Variants in ABCC8 observed in about 807,000 individuals in gnomAD.
ABCC8 encodes ATP-binding cassette sub-family C member 8.
A neutral mutation model predicts 188.0 loss-of-function variants in ABCC8; 137 were observed. The ratio of observed to expected loss-of-function variants is 0.73; its 90% CI spans 0.63 to 0.84. ABCC8 has a LOEUF of 0.84. Among genes scored for constraint, ABCC8 ranks in the 40% least tolerant of loss-of-function variants. The pLI is 0.00. For missense variants in ABCC8, 1,750 were observed against 2,072.7 expected, an observed-to-expected ratio of 0.84 and a Z score of 3.02; for synonymous variants, 797 against 846.5, an observed-to-expected ratio of 0.94 and a Z score of 1.01.
intron 35 of ABCC8, 85 bp downstream of exon 35, chr11:17,395,525 C>T (rs1363551130): frequency 3.3e-6 from 5 of 1,519,188 alleles, no homozygotes; most frequent in African/African-American, 1.4e-5. Context: ...CCTGGTCTCC[C>T]CCAACCCCCT....
chr11:17,443,358 C>T (rs1956399705), intron 8 of ABCC8, 46 bp from the exon 9 acceptor site: 2 of 1,613,160 alleles, frequency 1.2e-6, no homozygotes, highest in African/African-American at 2.7e-5. Flanking sequence ...TGATGGTTGC[C>T]CTGCCAGGAG....
At chr11:17,393,208 T>C in intron 38 of ABCC8, 80 bp from the exon 39 acceptor site, 1 of 1,584,718 alleles carries the variant, frequency 6.3e-7, no homozygotes, top group East Asian at 2.3e-5. Flanking sequence ...GTGGCCCTCC[T>C]GCGGCTTGGA....
chr11:17,393,545 C>A (rs1011119608), intron 38 of ABCC8, 152 bp downstream of exon 38: 7 of 1,276,174 alleles, frequency 5.5e-6, no homozygotes, highest in Non-Finnish European at 7.9e-6. Flanking sequence ...TCCCTGCATG[C>A]CCTCCAGGCC....
chr11:17,459,600 C>T (rs984468736), intron 6 of ABCC8, among the ~76,000 whole-genome samples: 2 of 152,196 alleles, frequency 1.3e-5, no homozygotes, highest in Admixed American at 6.5e-5. Flanking sequence ...CCATTCTCTG[C>T]ATTATTTTCA....
chr11:17,450,990 C>G (rs1956795754), intron 7 of ABCC8, among the ~76,000 whole-genome samples: 1 of 152,072 alleles, frequency 6.6e-6, no homozygotes, highest in African/African-American at 2.4e-5. Flanking sequence ...CTCCACCCCC[C>G]TAATTTGTTT....
intron 1 of ABCC8, among the ~76,000 whole-genome samples, chr11:17,475,531 C>T (rs944198723): frequency 1.3e-5 from 2 of 152,116 alleles, no homozygotes; most frequent in African/African-American, 2.4e-5. Flanking sequence ...GCCAAGGTAC[C>T]CCATTATACA....
At chr11:17,405,947 GT>G (rs1338390406) in intron 26 of ABCC8, among the ~76,000 whole-genome samples, 3 of 152,234 alleles carry the variant, frequency 2.0e-5, no homozygotes, top group Admixed American at 1.3e-4. Context: ...CAACCAGGGA[GT>G]TTCAGAACTA....
At chr11:17,395,961 G>A (rs1953905038) in intron 33 of ABCC8, 31 bp from the exon 34 acceptor site, 1 of 1,555,622 alleles carries the variant, frequency 6.4e-7, no homozygotes, top group South Asian at 1.2e-5. Context: ...ACCGCCACTG[G>A]GACTCTGGGG....
intron 32 of ABCC8, 72 bp from the exon 33 acceptor site, chr11:17,397,118 A>G: frequency 1.2e-6 from 2 of 1,613,594 alleles, no homozygotes; most frequent in Non-Finnish European, 1.7e-6. Flanking sequence ...CCCCATCCCC[A>G]GGCTCCCTTG....
At chr11:17,437,745 C>A (rs1956163154) in intron 10 of ABCC8, among the ~76,000 whole-genome samples, 1 of 152,180 alleles carries the variant, frequency 6.6e-6, no homozygotes, top group African/African-American at 2.4e-5. Context: ...CAAGCCAGGC[C>A]AGGATATGCA....
rs1554924079 is a variant in ABCC8, at chr11:17,427,091, A to C, written c.2180T>G (p.Leu727Arg). Residue 727 changes from leucine to arginine, a missense_variant, in exon 16 of 39, where the codon CTG becomes CGG. Coordinates refer to ENST00000389817, the MANE Select transcript of ABCC8 (RefSeq NM_000352.6). This position sits in a 1 kb window ranked among gnomAD's most constrained non-coding sequence, Gnocchi z 5.0. ...CGKSSLLLAA[L>R]GEMQKVSGAV... ...CCCTGAGACCTTCTGCATCTCCCCC[A>C]GTGCGGCTAGAAGGAGCGAGGACTT... 6.2e-7 allele frequency: 1 copy of C among 1,613,956 alleles called. No homozygotes were observed. The highest frequency in any genetic ancestry group is 8.5e-7 in the Non-Finnish European group (1 of 1,179,934).
At chr11:17,425,659 T>C (rs1308507461) in intron 16 of ABCC8, among the ~76,000 whole-genome samples, 2 of 152,206 alleles carry the variant, frequency 1.3e-5, no homozygotes, top group African/African-American at 4.8e-5. Flanking sequence ...CCTATTTTCT[T>C]ACCTTTTTAA....
Position 17,440,184 on chromosome 11 carries a change from C to T in ABCC8, c.1630+2536G>A, listed in dbSNP as rs74356554. 5.7e-3 allele frequency among the ~76,000 whole-genome samples: 873 copies of T among 152,260 alleles called. 6 individuals carry two copies. Among genetic ancestry groups the T allele is most frequent in the African/African-American group, 0.02 (826 of 41,532 alleles). ...TTTCCTTGTTGTTTCCCTTCCCTCT[C>T]TCTATCTCAGCAACGACAAGCCTGC... On this transcript the variant is annotated intron_variant, in intron 10 of 38. Coordinates refer to ENST00000389817, the MANE Select transcript of ABCC8 (RefSeq NM_000352.6).
chr11:17,402,045 A>G (rs1954270684), intron 29 of ABCC8, among the ~76,000 whole-genome samples: 2 of 152,204 alleles, frequency 1.3e-5, no homozygotes, highest in Admixed American at 6.5e-5. Flanking sequence ...CTGGGCTGTA[A>G]ACGCCTGCAG....
At chr11:17,403,167 C>T (rs745751983) in intron 28 of ABCC8, among the ~76,000 whole-genome samples, 1 of 152,112 alleles carries the variant, frequency 6.6e-6, no homozygotes, top group Non-Finnish European at 1.5e-5. Context: ...CGTTCAACCC[C>T]GTCTTCCGCT....
rs1310400832 is a variant in ABCC8 at position 17,416,951 on chromosome 11, C to T, written c.2234G>A (p.Ser745Asn). Residue 745 changes from serine (S) to asparagine (N), a missense_variant, in exon 17 of 39, where the codon AGC (serine) becomes AAC (asparagine). Ser to Asn is a conservative substitution (Grantham distance 46). Transcript: ENST00000389817. ...GAVFWSSLPD[S>N]EIGEDPSPER... ...GTACCTGGGGTCCTCTCCTATCTCG[C>T]TGTCAGGAAGGCTGCTGGGACACAA... 1 of 1,613,958 alleles carries T rather than the reference C, an allele frequency of 6.2e-7. No individual in the cohort carries two copies. The highest frequency in any genetic ancestry group is 8.5e-7 in the Non-Finnish European group (1 of 1,180,032).
intron 10 of ABCC8, chr11:17,436,293 G>A: frequency 2.5e-6 from 1 of 393,472 alleles, no homozygotes; most frequent in South Asian, 2.3e-5. Context: ...GAAGTCTGGG[G>A]TTGTTACAGG....
Position 17,435,661 on chromosome 11 carries a change from A to G in ABCC8, c.1631-3417T>C, listed in dbSNP as rs1956059224. 4.3e-6 allele frequency: 6 copies of G among 1,408,320 alleles called. No individual in the cohort carries two copies. The Admixed American group carries it at 6.7e-5, about 16-fold the overall frequency. 87.2% of individuals were successfully genotyped at this position (1,408,320 alleles called of 1,614,324 possible). ...AATGTGTAGGAAGATGATGCTGGGA[A>G]CCTCTGTTCTTCACATGGCTGCCAG... On this transcript the variant is annotated intron_variant, in intron 10 of 38. Coordinates refer to ENST00000389817, the MANE Select transcript of ABCC8 (RefSeq NM_000352.6).
At chr11:17,428,104 G>A (rs1955668162) in intron 14 of ABCC8, 162 bp from the exon 15 acceptor site, 1 of 1,574,310 alleles carries the variant, frequency 6.4e-7, no homozygotes, top group African/African-American at 1.3e-5. Flanking sequence ...TTCTCATGCT[G>A]ACCCTTGCCT....
Sources: allele counts gnomAD v4.1 joint callset (sites outside exome capture counted in the v4.1 genomes callset), GRCh38; gene constraint gnomAD v4.1.1; non-coding constraint Gnocchi (gnomAD v3.1); transcripts MANE v1.5; gene names NCBI Gene and HGNC (gene_info 2026-07-23, HGNC 2026-07-21).